CAPG: variants seen among roughly 807,000 people sequenced by gnomAD.
CAPG encodes capping actin protein, gelsolin like, also known as macrophage-capping protein.
In CAPG, 32 loss-of-function variants were observed where a neutral mutation model predicts 44.6. The ratio of observed to expected loss-of-function variants is 0.72; its 90% CI spans 0.54 to 0.96. The LOEUF is 0.96. CAPG is among the 50% of genes least tolerant of loss of function. CAPG has a pLI of 0.00. For synonymous variants in CAPG, 175 were observed against 179.6 expected, an observed-to-expected ratio of 0.97 and a Z score of 0.20; for missense variants, 412 against 438.3, an observed-to-expected ratio of 0.94 and a Z score of 0.54.
Position 85,401,164 on chromosome 2 carries a change from C to T in CAPG, c.516+1G>A, listed in dbSNP as rs202207205. ...GTGCTCAGTCTGGCCAGCCTACCCA[C>T]CTGGCCCAGGTCCAGGATGAAGCAG... On this transcript the variant is annotated splice_donor_variant, in intron 5 of 9. Transcript: ENST00000263867. LOFTEE classifies it high-confidence loss of function. The T allele has an allele frequency of 1.2e-6, 2 of 1,613,580 alleles. No homozygotes were observed. Among genetic ancestry groups the T allele is most frequent in the East Asian group, 4.5e-5 (2 of 44,862 alleles).
chr2:85,414,231 C>G (rs1687500674), upstream of CAPG, among the ~76,000 whole-genome samples: 1 of 152,228 alleles, frequency 6.6e-6, no homozygotes, highest in African/African-American at 2.4e-5. Context: ...TTGCAGTGTT[C>G]ACTTCCATTC....
upstream of CAPG, chr2:85,413,691 G>A (rs1352560996): frequency 6.6e-6 from 1 of 152,226 alleles, no homozygotes; most frequent in Non-Finnish European, 1.5e-5. Context: ...TGGTAACGAC[G>A]CTCTAGAACT....
At chr2:85,408,197 C>G (rs983736970) in intron 1 of CAPG, among the ~76,000 whole-genome samples, 1 of 152,068 alleles carries the variant, frequency 6.6e-6, no homozygotes, top group Non-Finnish European at 1.5e-5. Flanking sequence ...ACAAAATTAG[C>G]CAGGCATGGT....
upstream of CAPG, among the ~76,000 whole-genome samples, chr2:85,410,783 T>C (rs1304680164): frequency 6.6e-6 from 1 of 152,134 alleles, no homozygotes; most frequent in Non-Finnish European, 1.5e-5. Flanking sequence ...CATTACTTTT[T>C]CCTCCTCCCT....
chr2:85,415,070 T>C (rs1687521102), upstream of CAPG, among the ~76,000 whole-genome samples: 1 of 152,178 alleles, frequency 6.6e-6, no homozygotes, highest in Non-Finnish European at 1.5e-5. Context: ...AATCTTTCTA[T>C]CTGGGTGACC....
At position 85,402,530 on chromosome 2, in the gene CAPG, G is replaced by A. The variant is rs146462760; in HGVS notation, c.-13-372C>T. Reference sequence around the variant, plus strand: ...TGCCCAGGCTGGAGTGCAGTGGTGCGATCTCGCCTCACTGCAACCTCCGCC... The same window carrying A: ...TGCCCAGGCTGGAGTGCAGTGGTGCAATCTCGCCTCACTGCAACCTCCGCC... On this transcript the variant is annotated intron_variant, in intron 1 of 9. Transcript: ENST00000263867. Among the ~76,000 whole-genome samples the A allele has an allele frequency of 3.9e-3, 596 of 152,102 alleles. 4 individuals carry two copies. The highest frequency in any genetic ancestry group is 0.014 in the African/African-American group (569 of 41,484).
upstream of CAPG, among the ~76,000 whole-genome samples, chr2:85,412,228 A>G (rs1351990778): frequency 6.6e-6 from 1 of 152,126 alleles, no homozygotes; most frequent in African/African-American, 2.4e-5. Flanking sequence ...ATAGGGTAAT[A>G]TGGGCCGGGC....
At chr2:85,418,424 G>A (rs1413739881) in exon 1 of CAPG, 4 of 152,258 alleles carry the variant, frequency 2.6e-5, no homozygotes, top group Admixed American at 6.5e-5. Context: ...ACGCCAGGAC[G>A]CGTGTAAGGC....
In CAPG at chr2:85,395,667, C is replaced by T; in HGVS notation, c.893-41G>A. ...GAGATTTTTAAAAAGAGCAGGGACC[C>T]TCTTTAGCTGCCATCCCATTTTTCT... On this transcript the variant is annotated intron_variant, in intron 8 of 9. Transcript: ENST00000263867. This position sits in a 1 kb window ranked among gnomAD's most constrained non-coding sequence, Gnocchi z 4.3. 1 of 1,422,092 alleles carries T rather than the reference C, an allele frequency of 7.0e-7. No individual in the cohort carries two copies. 88.1% of individuals were successfully genotyped at this position (1,422,092 alleles called of 1,614,324 possible). A position where few individuals can be genotyped will look rare whatever the true frequency, so the allele number is the denominator to read the frequency against.
chr2:85,413,987 C>G (rs1687493867), upstream of CAPG: 1 of 152,324 alleles, frequency 6.6e-6, no homozygotes, highest in Admixed American at 6.5e-5. Context: ...TACTTGCCTG[C>G]CAACGCCTTG....
chr2:85,414,870 C>T (rs2104864404), upstream of CAPG, among the ~76,000 whole-genome samples: 1 of 152,324 alleles, frequency 6.6e-6, no homozygotes, highest in African/African-American at 2.4e-5. Context: ...AGCGATGGGT[C>T]CACACTTCCG....
At chr2:85,406,934 CTTT>C (rs575138210) in intron 1 of CAPG, among the ~76,000 whole-genome samples, 1 of 141,888 alleles carries the variant, frequency 7.0e-6, no homozygotes, top group African/African-American at 2.6e-5. Flanking sequence ...TAGTAATTTT[CTTT>C]TTTTTTTTTT....
Position 85,401,607 on chromosome 2 carries a change from C to T in CAPG, c.273G>A (p.Arg91=), listed in dbSNP as rs1473257523. ...AVHLNTLLGE[R]PVQHREVQGN... Reference sequence around the variant, plus strand: ...CCTGCACCTCGCGGTGCTGCACAGGCCGCTCTCCCAGCAGCGTGTTGAGGT... The same window carrying T: ...CCTGCACCTCGCGGTGCTGCACAGGTCGCTCTCCCAGCAGCGTGTTGAGGT... The change falls in exon 4 of 10, where the codon CGG becomes CGA. Residue 91 remains arginine (R), a synonymous_variant. Transcript: ENST00000263867. 3 of 1,613,996 alleles carry T rather than the reference C, an allele frequency of 1.9e-6. No individual in the cohort carries two copies. Among genetic ancestry groups the T allele is most frequent in the Non-Finnish European group, 2.5e-6 (3 of 1,179,978 alleles).
intron 1 of CAPG, among the ~76,000 whole-genome samples, chr2:85,415,907 A>C (rs1453889204): frequency 2.0e-5 from 3 of 151,836 alleles, no homozygotes; most frequent in African/African-American, 7.3e-5. Context: ...TCTGGAGTGC[A>C]GTGGCATGAT....
Position 85,401,192 on chromosome 2 carries a change from C to A in CAPG, c.489G>T (p.Gly163=). The A allele has an allele frequency of 6.2e-7, 1 of 1,614,126 alleles. No homozygotes were observed. The highest frequency in any genetic ancestry group is 8.5e-7 in the Non-Finnish European group (1 of 1,180,010). The change falls in exon 5 of 10, where the codon GGG becomes GGT. Residue 163 remains glycine, a synonymous_variant. Coordinates refer to ENST00000263867, the MANE Select transcript of CAPG (RefSeq NM_001747.4). ...RALNWDSFNT[G]DCFILDLGQN... ...GGCCCAGGTCCAGGATGAAGCAGTC[C>A]CCAGTGTTGAAGCTGTCCCAGTTCA...
At chr2:85,415,104 G>A (rs186144101), upstream of CAPG, among the ~76,000 whole-genome samples, 69 of 152,278 alleles carry the variant, frequency 4.5e-4, no homozygotes, top group African/African-American at 1.6e-3. Context: ...CTCCAGCAAG[G>A]AGTCCTCGGA....
chr2:85,408,515 T>C (rs768869691), intron 1 of CAPG, among the ~76,000 whole-genome samples: 8 of 152,164 alleles, frequency 5.3e-5, no homozygotes, highest in South Asian at 2.1e-4. Context: ...GCCTGTTTTA[T>C]AGCATAAACT....
At chr2:85,396,014 A>T in intron 8 of CAPG, 1 of 198,214 alleles carries the variant, frequency 5.0e-6, no homozygotes, top group African/African-American at 2.3e-5. Flanking sequence ...TGAAAAACTA[A>T]ATAAGACAAA....
At chr2:85,411,478 C>T (rs1017313178), upstream of CAPG, among the ~76,000 whole-genome samples, 1 of 152,216 alleles carries the variant, frequency 6.6e-6, no homozygotes, top group Admixed American at 6.5e-5. Context: ...GCAAGGGAGG[C>T]TCCCATTCCC....
Sources: allele counts gnomAD v4.1 joint callset (sites outside exome capture counted in the v4.1 genomes callset), GRCh38; gene constraint gnomAD v4.1.1; non-coding constraint Gnocchi (gnomAD v3.1); transcripts MANE v1.5; gene names NCBI Gene and HGNC (gene_info 2026-07-23, HGNC 2026-07-21).